Variants in ITGA11 observed in about 807,000 individuals in gnomAD.
ITGA11 encodes the protein integrin alpha-11.
ITGA11 carries 97 observed loss-of-function variants against 141.9 expected under a neutral mutation model. The ratio of observed to expected loss-of-function variants is 0.68; its 90% CI spans 0.58 to 0.81. The LOEUF (loss-of-function observed/expected upper bound fraction) is 0.81. Among genes scored for constraint, ITGA11 ranks in the 30% least tolerant of loss-of-function variants. ITGA11 has a pLI of 0.00. For missense variants in ITGA11, 1,387 were observed against 1,559.2 expected (o/e 0.89, Z 1.86); for synonymous variants, 658 against 624.6 (o/e 1.05, Z -0.80).
chr15:68,416,252 G>GA (rs1436137927), intron 1 of ITGA11, among the ~76,000 whole-genome samples: 2 of 152,106 alleles, frequency 1.3e-5, no homozygotes, highest in African/African-American at 4.8e-5. Flanking sequence ...CTCCAAATCA[G>GA]AAAAAAACAA....
At chr15:68,418,326 G>A (rs1294700126) in intron 1 of ITGA11, among the ~76,000 whole-genome samples, 5 of 152,172 alleles carry the variant, frequency 3.3e-5, no homozygotes, top group Non-Finnish European at 7.3e-5. Flanking sequence ...AGGGGTTAAA[G>A]GGGAAAGTGA....
intron 2 of ITGA11, among the ~76,000 whole-genome samples, chr15:68,369,883 G>C (rs1895534967): frequency 6.6e-6 from 1 of 152,240 alleles, no homozygotes; most frequent in African/African-American, 2.4e-5. Flanking sequence ...CTTTGCAGAT[G>C]TAACTAAGTT....
At position 68,303,960 on chromosome 15, in the gene ITGA11, G is replaced by A; in HGVS notation, c.3382-75C>T. The A allele has an allele frequency of 2.2e-6, 2 of 900,382 alleles. No individual in the cohort carries two copies. Among genetic ancestry groups the A allele is most frequent in the Non-Finnish European group, 3.6e-6 (2 of 554,566 alleles). The allele number at this position is 900,382 out of a possible 1,614,324, so 55.8% of individuals were successfully genotyped here. ...GGTGGCAGTCTGGGAGGGGCAGGAG[G>A]GTGGAGACAGCTGGCACCTGGTGGG... is the stretch of plus-strand genomic sequence containing the variant. On this transcript the variant is annotated intron_variant, in intron 28 of 29. Coordinates refer to ENST00000315757, the MANE Select transcript of ITGA11 (RefSeq NM_001004439.2). The surrounding 1 kb of genome is among the most constrained non-coding windows in gnomAD (Gnocchi z 5.3).
At chr15:68,331,134 G>T in intron 14 of ITGA11, 23 bp from the exon 15 acceptor site, 4 of 1,574,078 alleles carry the variant, frequency 2.5e-6, no homozygotes, top group Non-Finnish European at 3.4e-6. Context: ...GGAAGAGAGG[G>T]GGAGGGCATG....
chr15:68,407,067 G>A (rs1372518911), intron 1 of ITGA11, among the ~76,000 whole-genome samples: 1 of 152,202 alleles, frequency 6.6e-6, no homozygotes, highest in Non-Finnish European at 1.5e-5. Flanking sequence ...CTGGGGAGAA[G>A]GGAAGATTCC....
intron 1 of ITGA11, among the ~76,000 whole-genome samples, chr15:68,410,335 C>T (rs756130187): frequency 6.6e-5 from 10 of 152,070 alleles, no homozygotes; most frequent in Non-Finnish European, 1.2e-4. Flanking sequence ...GGAGGGAGGG[C>T]GCTGGGATGG....
chr15:68,328,312 C>T lies in ITGA11; in HGVS notation c.1902-50G>A, dbSNP rs2140298822. ...GGGGTGGGGCAGGGGCTCAGGCTGC[C>T]CTGCTGTGACCATGGGGAAAGACAA... On this transcript the variant is annotated intron_variant, in intron 15 of 29. Coordinates refer to ENST00000315757, the MANE Select transcript of ITGA11 (RefSeq NM_001004439.2). The surrounding 1 kb of genome is among the most constrained non-coding windows in gnomAD (Gnocchi z 4.8). 6.5e-7 allele frequency: 1 copy of T among 1,541,864 alleles called. No individual in the cohort carries two copies. The highest frequency in any genetic ancestry group is 8.9e-7 in the Non-Finnish European group (1 of 1,128,852).
chr15:68,313,330 G>A (rs1321067511), intron 23 of ITGA11, among the ~76,000 whole-genome samples: 1 of 151,772 alleles, frequency 6.6e-6, no homozygotes, highest in African/African-American at 2.4e-5. Flanking sequence ...TGCCAAGGGG[G>A]TGGGGGTGGG....
chr15:68,414,722 C>T (rs1014117966), intron 1 of ITGA11, among the ~76,000 whole-genome samples: 3 of 152,182 alleles, frequency 2.0e-5, no homozygotes, highest in East Asian at 1.9e-4. Context: ...CCAGGGCCTC[C>T]GCAAGTATCT....
rs1464217670 is a variant in ITGA11, at chr15:68,317,314, T to A, written c.2666A>T (p.Gln889Leu). The A allele has an allele frequency of 6.2e-7, 1 of 1,613,928 alleles. No homozygotes were observed. Among genetic ancestry groups the A allele is most frequent in the South Asian group, 1.1e-5 (1 of 91,078 alleles). Residue 889 changes from glutamine to leucine, a missense_variant, in exon 21 of 30, where the codon CAG (glutamine) becomes CTG (leucine). Physicochemically the swap from Gln to Leu is moderately radical, Grantham distance 113. Coordinates refer to ENST00000315757, the MANE Select transcript of ITGA11 (RefSeq NM_001004439.2). ...IECVNEERRL[Q>L]KQVCNVSYPF... is the part of the protein sequence containing the mutation. Reference sequence around the variant, plus strand: ...ATAGCTGACGTTGCAGACTTGCTTCTGGAGCCTCCTCTCCTCGTTCACACA... The same window carrying A: ...ATAGCTGACGTTGCAGACTTGCTTCAGGAGCCTCCTCTCCTCGTTCACACA...
At chr15:68,348,949 C>T (rs774018273) in intron 9 of ITGA11, 49 bp from the exon 10 acceptor site, 66 of 1,501,726 alleles carry the variant, frequency 4.4e-5, no homozygotes, top group Admixed American at 2.8e-4. Flanking sequence ...AATCCCTTAG[C>T]GCCAGACAGA....
In ITGA11 at chr15:68,325,094, T is replaced by C. The variant is rs771726572; in HGVS notation, c.2322+37A>G. 1.3e-6 allele frequency: 2 copies of C among 1,485,022 alleles called. No individual in the cohort carries two copies. Among genetic ancestry groups the C allele is most frequent in the Admixed American group, 3.4e-5 (2 of 59,652 alleles). The allele number at this position is 1,485,022 out of a possible 1,614,324, so 92.0% of individuals were successfully genotyped here. On this transcript the variant is annotated intron_variant, in intron 18 of 29. Transcript: ENST00000315757. The surrounding 1 kb of genome is among the most constrained non-coding windows in gnomAD (Gnocchi z 5.5). ...GGTTGAGGTGGAGGTGGGGGTGGGGTTCATGCCCGAGGTGCGTGCCCTGTA... is the reference window on the plus strand; with the variant it reads ...GGTTGAGGTGGAGGTGGGGGTGGGGCTCATGCCCGAGGTGCGTGCCCTGTA...
At chr15:68,376,405 C>T (rs1350975203) in intron 2 of ITGA11, among the ~76,000 whole-genome samples, 1 of 152,234 alleles carries the variant, frequency 6.6e-6, no homozygotes, top group African/African-American at 2.4e-5. Flanking sequence ...CTGATGTTGG[C>T]TTCTTTGAAT....
chr15:68,358,067 A>G (rs558049689), intron 6 of ITGA11, among the ~76,000 whole-genome samples: 1 of 152,350 alleles, frequency 6.6e-6, no homozygotes, highest in South Asian at 2.1e-4. Context: ...AGCGTTTCAG[A>G]TATATGAGCC....
At chr15:68,394,928 G>A (rs539092513) in intron 2 of ITGA11, among the ~76,000 whole-genome samples, 2 of 152,076 alleles carry the variant, frequency 1.3e-5, no homozygotes, top group Non-Finnish European at 2.9e-5. Flanking sequence ...TTCCAAGATG[G>A]CCGAATAGGA....
chr15:68,418,642 A>G lies in ITGA11; in HGVS notation c.52+13373T>C, dbSNP rs74909003. Among the ~76,000 whole-genome samples, 691 of 134,002 alleles carry G rather than the reference A, an allele frequency of 5.2e-3. 11 individuals are homozygous for G. In the East Asian group the frequency reaches 0.089, roughly 17 times the overall value. The allele number at this position is 134,002 out of a possible 152,430, so 87.9% of individuals were successfully genotyped here. A position where few individuals can be genotyped will look rare whatever the true frequency, so the allele number is the denominator to read the frequency against. ...GCTGTTTACATTGTAGTTGATGTAA[A>G]TCATGTAGCGCACAGCCGGTACAGC... On this transcript the variant is annotated intron_variant, in intron 1 of 29. Coordinates refer to ENST00000315757, the MANE Select transcript of ITGA11 (RefSeq NM_001004439.2).
intron 2 of ITGA11, among the ~76,000 whole-genome samples, chr15:68,377,561 T>C (rs1331686095): frequency 6.6e-6 from 1 of 152,190 alleles, no homozygotes; most frequent in Non-Finnish European, 1.5e-5. Context: ...CGTGAGCCAC[T>C]GCGCCTGGCC....
At position 68,322,660 on chromosome 15, in the gene ITGA11, A is replaced by G. The variant is rs1595858438; in HGVS notation, c.2323-1157T>C. Among the ~76,000 whole-genome samples, 1 of 152,158 alleles carries G rather than the reference A, an allele frequency of 6.6e-6. No homozygotes were observed. The highest frequency in any genetic ancestry group is 1.9e-4 in the East Asian group (1 of 5,172). On this transcript the variant is annotated intron_variant, in intron 18 of 29. Transcript: ENST00000315757. The surrounding 1 kb of genome is among the most constrained non-coding windows in gnomAD (Gnocchi z 5.6). ...GACAGGTGGATCAACTGAGGTCAGGAGTTCAAGAACAACCAGGCCAACATG... is the reference window on the plus strand; with the variant it reads ...GACAGGTGGATCAACTGAGGTCAGGGGTTCAAGAACAACCAGGCCAACATG...
At chr15:68,354,068 C>T (rs1317719533) in intron 7 of ITGA11, among the ~76,000 whole-genome samples, 1 of 152,146 alleles carries the variant, frequency 6.6e-6, no homozygotes, top group African/African-American at 2.4e-5. Context: ...TTCCCCACCA[C>T]CCTGTGCATG....
Sources: gnomAD v4.1 joint callset for allele counts (sites outside exome capture counted in the v4.1 genomes callset) on GRCh38, gnomAD v4.1.1 for gene constraint, Gnocchi (gnomAD v3.1) non-coding constraint, MANE v1.5 for transcripts, NCBI Gene and HGNC (gene_info 2026-07-23, HGNC 2026-07-21) for gene names.